The following DCC variants were observed in gnomAD, a reference collection of about 807,000 sequenced individuals.
DCC encodes the protein netrin receptor DCC.
In DCC, 58 loss-of-function variants were observed where a neutral mutation model predicts 172.5. The observed-to-expected ratio is 0.34, with a 90% CI of 0.27 to 0.42. The LOEUF (loss-of-function observed/expected upper bound fraction) is 0.42. DCC is among the 10% of genes least tolerant of loss of function. The pLI is 1.00. For missense variants in DCC, 1,740 were observed against 1,791.0 expected (o/e 0.97, Z 0.51); for synonymous variants, 709 against 644.5 (o/e 1.10, Z -1.52).
chr18:53,227,470 C>A (rs1201004615), intron 12 of DCC, among the ~76,000 whole-genome samples: 2 of 152,062 alleles, frequency 1.3e-5, no homozygotes, highest in African/African-American at 4.8e-5. Context: ...CAAAGCTGTT[C>A]AAAACATTAC....
chr18:53,065,199 T>C (rs989546877), intron 6 of DCC, among the ~76,000 whole-genome samples: 9 of 152,190 alleles, frequency 5.9e-5, no homozygotes, highest in African/African-American at 1.9e-4. Flanking sequence ...TAGGAATTGA[T>C]TACAAGACAC....
chr18:53,094,724 A>G (rs4456578), intron 7 of DCC, among the ~76,000 whole-genome samples: 103,554 of 152,094 alleles, frequency 0.68, 36,829 homozygotes, highest in African/African-American at 0.87. Flanking sequence ...TTCTACTCTG[A>G]ATGTCTCCAG....
chr18:52,407,978 T>G (rs1296250014), intron 1 of DCC, among the ~76,000 whole-genome samples: 1 of 152,106 alleles, frequency 6.6e-6, no homozygotes, highest in Non-Finnish European at 1.5e-5. Flanking sequence ...CTTAGTTTAA[T>G]TGGTTAATGT....
At chr18:52,819,168 G>C (rs2038358666) in intron 2 of DCC, among the ~76,000 whole-genome samples, 3 of 151,996 alleles carry the variant, frequency 2.0e-5, no homozygotes, top group Non-Finnish European at 4.4e-5. Context: ...GTCAATATGA[G>C]CTATAGTATC....
intron 2 of DCC, among the ~76,000 whole-genome samples, chr18:52,900,172 C>CA (rs1381357642): frequency 6.6e-6 from 1 of 152,172 alleles, no homozygotes; most frequent in Non-Finnish European, 1.5e-5. Flanking sequence ...TATTAAGTCT[C>CA]AGGTATTCAA....
At position 53,097,893 on chromosome 18, in the gene DCC, G is replaced by T. The variant is rs75441300; in HGVS notation, c.1261+31727G>T. On this transcript the variant is annotated intron_variant, in intron 7 of 28. Coordinates refer to ENST00000442544, the MANE Select transcript of DCC (RefSeq NM_005215.4). ...TATTGGATTAGAGTCTCACTGTTGT[G>T]CCCTCACTTAACCTTAATTACCTCC... is the stretch of plus-strand genomic sequence containing the variant. Among the ~76,000 whole-genome samples the T allele has an allele frequency of 2.1e-3, 318 of 152,144 alleles. 3 individuals are homozygous for T. The East Asian group carries it at 0.043, about 20-fold the overall frequency.
chr18:52,796,681 C>G (rs542466220), intron 2 of DCC, among the ~76,000 whole-genome samples: 1 of 152,272 alleles, frequency 6.6e-6, no homozygotes, highest in South Asian at 2.1e-4. Context: ...GCTGAGAAGT[C>G]CACTGTTAGT....
At chr18:52,713,167 C>T (rs540907871) in intron 1 of DCC, among the ~76,000 whole-genome samples, 1 of 152,328 alleles carries the variant, frequency 6.6e-6, no homozygotes, top group African/African-American at 2.4e-5. Flanking sequence ...TTCTCTAGGT[C>T]AGTTCTTTTC....
chr18:52,384,740 G>T (rs1985724650), intron 1 of DCC, among the ~76,000 whole-genome samples: 1 of 152,098 alleles, frequency 6.6e-6, no homozygotes, highest in Non-Finnish European at 1.5e-5. Flanking sequence ...ACAATTAGCA[G>T]AATTGCATGA....
At chr18:53,203,222 TGTGTGTGTGTGTGC>T (rs1040317797) in intron 9 of DCC, among the ~76,000 whole-genome samples, 32 of 151,766 alleles carry the variant, frequency 2.1e-4, no homozygotes, top group Admixed American at 3.9e-4. Flanking sequence ...TGTGTGTGTG[TGTGTGTGTGTGTGC>T]GTGTGTGTGT....
At chr18:53,226,423 A>G (rs755375550) in intron 12 of DCC, among the ~76,000 whole-genome samples, 1 of 152,142 alleles carries the variant, frequency 6.6e-6, no homozygotes, top group Non-Finnish European at 1.5e-5. Flanking sequence ...GTGAACCTAC[A>G]TGGAAGATTC....
At chr18:52,419,865 A>G (rs1047494476) in intron 1 of DCC, among the ~76,000 whole-genome samples, 3 of 152,202 alleles carry the variant, frequency 2.0e-5, no homozygotes, top group Non-Finnish European at 4.4e-5. Context: ...AAGAACATAT[A>G]CATACCATAT....
chr18:52,725,511 C>T (rs2036538227), intron 1 of DCC, among the ~76,000 whole-genome samples: 1 of 152,162 alleles, frequency 6.6e-6, no homozygotes, highest in African/African-American at 2.4e-5. Flanking sequence ...TGCGGGCTGC[C>T]ACACATAAAG....
At chr18:53,364,609 G>A (rs1324867225) in intron 15 of DCC, among the ~76,000 whole-genome samples, 3 of 151,978 alleles carry the variant, frequency 2.0e-5, no homozygotes, top group Non-Finnish European at 4.4e-5. Flanking sequence ...AAAAATAAAT[G>A]GGTAAATGGG....
chr18:53,398,399 A>G (rs182387387), intron 18 of DCC, among the ~76,000 whole-genome samples: 9 of 152,228 alleles, frequency 5.9e-5, no homozygotes, highest in Admixed American at 5.2e-4. Flanking sequence ...TTTAATTTTA[A>G]CATCCTATTT....
intron 15 of DCC, among the ~76,000 whole-genome samples, chr18:53,369,388 A>G (rs1215613997): frequency 1.3e-5 from 2 of 151,856 alleles, no homozygotes; most frequent in Non-Finnish European, 2.9e-5. Context: ...TATTTGCAAA[A>G]TCTTAGGGTT....
chr18:52,926,309 C>G (rs964169986), intron 5 of DCC, among the ~76,000 whole-genome samples: 2 of 151,866 alleles, frequency 1.3e-5, no homozygotes, highest in African/African-American at 2.4e-5. Context: ...AAAACACTTT[C>G]ATCTGTGGAC....
intron 7 of DCC, among the ~76,000 whole-genome samples, chr18:53,102,315 G>A (rs1382648993): frequency 6.6e-6 from 1 of 151,974 alleles, no homozygotes; most frequent in Non-Finnish European, 1.5e-5. Context: ...AAAGTAAGTT[G>A]TTTCTTCACA....
intron 14 of DCC, 123 bp downstream of exon 14, chr18:53,322,280 T>C: frequency 1.4e-6 from 1 of 700,340 alleles, no homozygotes; most frequent in East Asian, 2.7e-5. Flanking sequence ...TATGTTCACA[T>C]GCAAAACACA....
Sources: allele counts gnomAD v4.1 joint callset (sites outside exome capture counted in the v4.1 genomes callset), GRCh38; gene constraint gnomAD v4.1.1; transcripts MANE v1.5; gene names NCBI Gene and HGNC (gene_info 2026-07-23, HGNC 2026-07-21).